MPP7: variants seen among roughly 807,000 people sequenced by gnomAD.
MPP7 encodes the protein MAGUK p55 scaffold protein 7, also known as MAGUK p55 subfamily member 7.
MPP7 carries 60 observed loss-of-function variants against 76.5 expected under a neutral mutation model. The observed-to-expected ratio is 0.78, with a 90% CI of 0.64 to 0.97. The LOEUF is 0.97. MPP7 is among the 50% of genes least tolerant of loss of function. MPP7 has a pLI of 0.00. For missense variants in MPP7, 641 were observed against 694.0 expected (o/e 0.92, Z 0.86); for synonymous variants, 237 against 244.5 (o/e 0.97, Z 0.29).
intron 11 of MPP7, among the ~76,000 whole-genome samples, chr10:28,115,482 T>C (rs1271777589): frequency 2.6e-5 from 4 of 152,200 alleles, no homozygotes; most frequent in South Asian, 4.1e-4. Context: ...TTTGACAATG[T>C]TTTAGACATA....
At chr10:28,091,710 A>G (rs1853314423) in intron 11 of MPP7, among the ~76,000 whole-genome samples, 1 of 152,188 alleles carries the variant, frequency 6.6e-6, no homozygotes, top group African/African-American at 2.4e-5. Flanking sequence ...ATCCATGTGG[A>G]TTTAACCAAT....
At chr10:28,327,469 A>G (rs1290612490) in intron 2 of MPP7, among the ~76,000 whole-genome samples, 1 of 152,186 alleles carries the variant, frequency 6.6e-6, no homozygotes, top group Non-Finnish European at 1.5e-5. Flanking sequence ...AACTTCTTCA[A>G]TTCGTGGACT....
At chr10:28,188,711 G>C (rs1026568024) in intron 3 of MPP7, among the ~76,000 whole-genome samples, 2 of 151,960 alleles carry the variant, frequency 1.3e-5, no homozygotes, top group Admixed American at 6.6e-5. Flanking sequence ...CTTGAAAGAA[G>C]CTTGAGGGAA....
In MPP7 at chr10:28,167,314, A is replaced by C. The variant is rs11006904; in HGVS notation, c.157-17255T>G. On this transcript the variant is annotated intron_variant, in intron 3 of 16. Transcript: ENST00000683449. ...CAACAGAGTGAGGCTCTGCCTCAAAAAAACAAACAAACAAACAAACAAACA... is the reference window on the plus strand; with the variant it reads ...CAACAGAGTGAGGCTCTGCCTCAAACAAACAAACAAACAAACAAACAAACA... Among the ~76,000 whole-genome samples the C allele has an allele frequency of 6.5e-4, 89 of 137,980 alleles. 1 individual carries two copies. The highest frequency in any genetic ancestry group is 2.3e-3 in the African/African-American group (86 of 37,074). 90.5% of individuals were successfully genotyped at this position (137,980 alleles called of 152,430 possible).
intron 1 of MPP7, among the ~76,000 whole-genome samples, chr10:28,261,850 C>G (rs1017146242): frequency 6.6e-6 from 1 of 151,872 alleles, no homozygotes; most frequent in Non-Finnish European, 1.5e-5. Flanking sequence ...AGCTCGAGAC[C>G]AGCTTGGGCA....
chr10:28,230,291 A>G (rs1156572710), intron 2 of MPP7, among the ~76,000 whole-genome samples: 1 of 152,190 alleles, frequency 6.6e-6, no homozygotes, highest in African/African-American at 2.4e-5. Flanking sequence ...TCATTACGTT[A>G]ACTGTATTGA....
chr10:28,124,029 A>G lies in MPP7; in HGVS notation c.615+2T>C. 5 of 1,590,220 alleles carry G rather than the reference A, an allele frequency of 3.1e-6. No individual in the cohort carries two copies. Among genetic ancestry groups the G allele is most frequent in the Non-Finnish European group, 4.3e-6 (5 of 1,158,698 alleles). On this transcript the variant is annotated splice_donor_variant, in intron 8 of 16. Transcript: ENST00000683449. LOFTEE classifies it high-confidence loss of function. ...TACCTTTAAAAGAAATTTACAGCTTACCAAAATCTGTATTATTTCCTCAGG... is the reference window on the plus strand; with the variant it reads ...TACCTTTAAAAGAAATTTACAGCTTGCCAAAATCTGTATTATTTCCTCAGG...
At chr10:28,306,370 G>A (rs1204531300), upstream of MPP7, among the ~76,000 whole-genome samples, 2 of 152,222 alleles carry the variant, frequency 1.3e-5, no homozygotes, top group Non-Finnish European at 2.9e-5. Context: ...GACAGAAGAG[G>A]CTGCATACAG....
Position 28,302,559 on chromosome 10 carries a change from C to A in MPP7, c.-132+302G>T, listed in dbSNP as rs184073734. 1.0e-3 allele frequency among the ~76,000 whole-genome samples: 152 copies of A among 152,324 alleles called. 5 individuals carry two copies. In the East Asian group the frequency reaches 0.026, roughly 26 times the overall value. On this transcript the variant is annotated intron_variant, in intron 1 of 16. Transcript: ENST00000683449. Reference sequence around the variant, plus strand: ...TTTTCCTCCACCTGTCGGTTCTCCCCGCTCTGGGTCTGCCCCGCCGCCGCC... The same window carrying A: ...TTTTCCTCCACCTGTCGGTTCTCCCAGCTCTGGGTCTGCCCCGCCGCCGCC...
intron 3 of MPP7, among the ~76,000 whole-genome samples, chr10:28,169,628 T>C (rs866056312): frequency 2.6e-5 from 4 of 152,238 alleles, no homozygotes; most frequent in Non-Finnish European, 4.4e-5. Flanking sequence ...GTGTCATAAT[T>C]TCCTGCATGT....
intron 3 of MPP7, among the ~76,000 whole-genome samples, chr10:28,199,790 G>T (rs1378490533): frequency 6.6e-6 from 1 of 151,154 alleles, no homozygotes; most frequent in East Asian, 1.9e-4. Context: ...ATTTTTTTTT[G>T]AGAGAGAGGG....
intron 3 of MPP7, among the ~76,000 whole-genome samples, chr10:28,200,169 T>C (rs1205866890): frequency 6.6e-6 from 1 of 152,150 alleles, no homozygotes; most frequent in African/African-American, 2.4e-5. Flanking sequence ...TCCAGCTGTT[T>C]AAAGCTCCAG....
intron 1 of MPP7, among the ~76,000 whole-genome samples, chr10:28,300,226 T>C (rs1451552850): frequency 4.0e-5 from 6 of 151,806 alleles, no homozygotes; most frequent in Non-Finnish European, 8.8e-5. Flanking sequence ...GTGCACCATC[T>C]AGTGGAAGTC....
intron 1 of MPP7, among the ~76,000 whole-genome samples, chr10:28,275,884 G>T (rs1344888222): frequency 4.6e-5 from 7 of 151,970 alleles, no homozygotes; most frequent in Non-Finnish European, 1.0e-4. Context: ...CAATCTTTAA[G>T]TTAAAAAATT....
intron 1 of MPP7, among the ~76,000 whole-genome samples, chr10:28,268,861 G>A (rs1452692884): frequency 1.3e-5 from 2 of 151,984 alleles, no homozygotes; most frequent in African/African-American, 4.8e-5. Flanking sequence ...AGAGCTTGCA[G>A]TGAGCCAAGA....
intron 11 of MPP7, among the ~76,000 whole-genome samples, chr10:28,107,200 C>T (rs985728678): frequency 6.6e-6 from 1 of 152,134 alleles, no homozygotes; most frequent in Non-Finnish European, 1.5e-5. Flanking sequence ...CTATTTTCTT[C>T]TATCTTTATC....
At chr10:28,290,513 C>T (rs890939834) in intron 1 of MPP7, among the ~76,000 whole-genome samples, 5 of 152,192 alleles carry the variant, frequency 3.3e-5, no homozygotes, top group Admixed American at 2.6e-4. Flanking sequence ...GCTTTTGTTG[C>T]GCAGGCTGGA....
chr10:28,109,936 A>T (rs1834452753), intron 11 of MPP7, among the ~76,000 whole-genome samples: 1 of 150,800 alleles, frequency 6.6e-6, no homozygotes, highest in Non-Finnish European at 1.5e-5. Context: ...TCTTAAACAT[A>T]AAACAGTTTG....
At chr10:28,332,799 C>T (rs1342704820) in intron 1 of MPP7, among the ~76,000 whole-genome samples, 2 of 151,878 alleles carry the variant, frequency 1.3e-5, no homozygotes, top group Non-Finnish European at 2.9e-5. Context: ...GTAGCTTGGA[C>T]CACAGGCACG....
Sources: gnomAD v4.1 joint callset for allele counts (sites outside exome capture counted in the v4.1 genomes callset) on GRCh38, gnomAD v4.1.1 for gene constraint, MANE v1.5 for transcripts, NCBI Gene and HGNC (gene_info 2026-07-23, HGNC 2026-07-21) for gene names.